GRID2: variants seen among roughly 807,000 people sequenced by gnomAD.
The protein encoded by GRID2 is glutamate ionotropic receptor delta type subunit 2, also known as glutamate receptor ionotropic, delta-2.
GRID2 carries 33 observed loss-of-function variants against 114.8 expected under a neutral mutation model. That is an observed-to-expected ratio of 0.29 (90% CI 0.22 to 0.38). GRID2 has a LOEUF of 0.38. GRID2 is among the 10% of genes least tolerant of loss of function. The pLI is 1.00. For missense variants in GRID2, 1,184 were observed against 1,257.7 expected (o/e 0.94, Z 0.89); for synonymous variants, 505 against 449.9 (o/e 1.12, Z -1.55).
At chr4:92,587,506 A>G (rs1728506288) in intron 1 of GRID2, among the ~76,000 whole-genome samples, 1 of 152,298 alleles carries the variant, frequency 6.6e-6, no homozygotes, top group East Asian at 1.9e-4. Flanking sequence ...TGAAGACAAA[A>G]TACTGCATGC....
chr4:93,551,205 A>T (rs945187248), intron 13 of GRID2, among the ~76,000 whole-genome samples: 16 of 152,332 alleles, frequency 1.1e-4, no homozygotes, highest in African/African-American at 3.8e-4. Flanking sequence ...GAAATGGACA[A>T]CTGAACAAGA....
At chr4:93,711,618 T>C (rs1434316770) in intron 14 of GRID2, among the ~76,000 whole-genome samples, 1 of 152,154 alleles carries the variant, frequency 6.6e-6, no homozygotes, top group Non-Finnish European at 1.5e-5. Flanking sequence ...GTCTAAATGC[T>C]ACCTCTGTGT....
intron 8 of GRID2, among the ~76,000 whole-genome samples, chr4:93,325,280 C>T (rs1050504579): frequency 1.1e-4 from 16 of 151,930 alleles, no homozygotes; most frequent in African/African-American, 3.6e-4. Flanking sequence ...TAAAATGTGT[C>T]TTCTTTCTTC....
intron 14 of GRID2, among the ~76,000 whole-genome samples, chr4:93,672,924 C>T (rs1298579824): frequency 2.0e-5 from 3 of 152,162 alleles, no homozygotes; most frequent in Admixed American, 1.3e-4. Context: ...AAGGAGATTA[C>T]ATAGTTTAAG....
chr4:92,698,251 C>A (rs946375941), intron 2 of GRID2, among the ~76,000 whole-genome samples: 3 of 152,116 alleles, frequency 2.0e-5, no homozygotes, highest in Admixed American at 1.3e-4. Context: ...GGTTTAGGTT[C>A]TGTTCATAAT....
intron 13 of GRID2, among the ~76,000 whole-genome samples, chr4:93,598,697 A>T (rs1044515151): frequency 6.6e-6 from 1 of 152,202 alleles, no homozygotes; most frequent in African/African-American, 2.4e-5. Flanking sequence ...ACCAAAATGC[A>T]TCTTCTTGAA....
At chr4:92,908,285 T>C (rs1373258932) in intron 2 of GRID2, among the ~76,000 whole-genome samples, 1 of 152,152 alleles carries the variant, frequency 6.6e-6, no homozygotes, top group Non-Finnish European at 1.5e-5. Flanking sequence ...AATTATAGCA[T>C]CAACTATTTT....
intron 13 of GRID2, among the ~76,000 whole-genome samples, chr4:93,518,059 T>C (rs1729976607): frequency 8.0e-6 from 1 of 125,552 alleles, no homozygotes; most frequent in Non-Finnish European, 1.6e-5. Flanking sequence ...ACTATATATG[T>C]ATATAGTATA....
chr4:92,767,767 C>T (rs1241820320), intron 2 of GRID2, among the ~76,000 whole-genome samples: 2 of 151,900 alleles, frequency 1.3e-5, no homozygotes, highest in East Asian at 3.9e-4. Flanking sequence ...TCAAGCCAGG[C>T]ACAGTATGCG....
intron 13 of GRID2, among the ~76,000 whole-genome samples, chr4:93,579,617 G>C (rs1015948718): frequency 2.6e-5 from 4 of 152,142 alleles, no homozygotes; most frequent in African/African-American, 9.7e-5. Context: ...AGAGACAGTG[G>C]TCTTGACTGA....
rs369126842 is a variant in GRID2 at position 92,464,975 on chromosome 4, C to T, written c.89-125156C>T. Among the ~76,000 whole-genome samples the T allele has an allele frequency of 4.4e-4, 67 of 152,110 alleles. No homozygotes were observed. The East Asian group carries it at 8.5e-3, about 19-fold the overall frequency. ...GATCTGGTTGTTTAAAAGTGTGTAG[C>T]GTTTCCCTCTTCACTCTCTCTCTCT... On this transcript the variant is annotated intron_variant, in intron 1 of 15. Coordinates refer to ENST00000282020, the MANE Select transcript of GRID2 (RefSeq NM_001510.4).
intron 1 of GRID2, among the ~76,000 whole-genome samples, chr4:92,529,921 T>C (rs1725245320): frequency 6.6e-6 from 1 of 152,096 alleles, no homozygotes; most frequent in Admixed American, 6.6e-5. Context: ...AAATCCCGGC[T>C]ACAATTACAT....
chr4:93,204,776 C>T (rs185074623), intron 4 of GRID2, among the ~76,000 whole-genome samples: 10 of 152,290 alleles, frequency 6.6e-5, no homozygotes, highest in Admixed American at 5.9e-4. Context: ...AACAACTTCT[C>T]ATTTAGTAAT....
intron 2 of GRID2, among the ~76,000 whole-genome samples, chr4:92,819,082 T>G (rs1047494184): frequency 1.3e-5 from 2 of 152,058 alleles, no homozygotes; most frequent in Non-Finnish European, 2.9e-5. Flanking sequence ...AGCCCTTGTT[T>G]TATAAACTAG....
chr4:92,384,580 AT>A (rs1729819030), intron 1 of GRID2, among the ~76,000 whole-genome samples: 7 of 57,984 alleles, frequency 1.2e-4, no homozygotes, highest in African/African-American at 1.6e-4. Flanking sequence ...TATATAAAAT[AT>A]ATTATATTAT....
At chr4:93,488,973 G>A (rs1560673614) in intron 11 of GRID2, among the ~76,000 whole-genome samples, 3 of 151,876 alleles carry the variant, frequency 2.0e-5, no homozygotes, top group Admixed American at 1.3e-4. Flanking sequence ...TAGAATTTCA[G>A]GACATGAATT....
chr4:92,825,874 C>G (rs1000447008), intron 2 of GRID2, among the ~76,000 whole-genome samples: 2 of 152,038 alleles, frequency 1.3e-5, no homozygotes, highest in African/African-American at 4.8e-5. Context: ...TTTTCTGGAG[C>G]CCATGTTAGG....
At chr4:93,251,191 G>A (rs1156767543) in intron 8 of GRID2, among the ~76,000 whole-genome samples, 1 of 152,052 alleles carries the variant, frequency 6.6e-6, no homozygotes, top group African/African-American at 2.4e-5. Flanking sequence ...GTATTTAAAT[G>A]TTTCATATTT....
intron 7 of GRID2, among the ~76,000 whole-genome samples, chr4:93,228,712 A>G (rs952775428): frequency 6.6e-6 from 1 of 152,170 alleles, no homozygotes; most frequent in Admixed American, 6.5e-5. Flanking sequence ...GAGGTTGTTG[A>G]ACATGATTCT....
Sources: allele counts gnomAD v4.1 joint callset (sites outside exome capture counted in the v4.1 genomes callset), GRCh38; gene constraint gnomAD v4.1.1; transcripts MANE v1.5; gene names NCBI Gene and HGNC (gene_info 2026-07-23, HGNC 2026-07-21).